Variants in DNA2 observed in about 807,000 individuals in gnomAD.
The protein encoded by DNA2 is DNA replication helicase/nuclease 2, also known as DNA replication ATP-dependent helicase/nuclease DNA2.
In DNA2, 101 loss-of-function variants were observed where a neutral mutation model predicts 119.1. The observed-to-expected ratio is 0.85, with a 90% CI of 0.72 to 1.00. DNA2 has a LOEUF of 1.00. DNA2 is among the 50% of genes least tolerant of loss of function. DNA2 has a pLI of 0.00. For synonymous variants in DNA2, 366 were observed against 424.4 expected (o/e 0.86, Z 1.69); for missense variants, 1,121 against 1,255.5 (o/e 0.89, Z 1.62).
At chr10:68,452,486 T>A (rs1248804555) in intron 5 of DNA2, among the ~76,000 whole-genome samples, 2 of 152,180 alleles carry the variant, frequency 1.3e-5, no homozygotes, top group African/African-American at 4.8e-5. Flanking sequence ...ATGTCACATG[T>A]ATACCTAATA....
intron 14 of DNA2, 42 bp downstream of exon 14, chr10:68,430,394 G>A: frequency 7.2e-7 from 1 of 1,383,944 alleles, no homozygotes; most frequent in Non-Finnish European, 1.0e-6. Flanking sequence ...TTCTGGCTGT[G>A]GACATTAACT....
At chr10:68,439,600 G>A (rs1380431956) in intron 9 of DNA2, among the ~76,000 whole-genome samples, 2 of 151,904 alleles carry the variant, frequency 1.3e-5, no homozygotes, top group East Asian at 1.9e-4. Context: ...CACTTTGGGA[G>A]GCCGAAGCGT....
At chr10:68,433,656 A>G (rs980042359) in intron 10 of DNA2, among the ~76,000 whole-genome samples, 14 of 152,122 alleles carry the variant, frequency 9.2e-5, no homozygotes, top group African/African-American at 3.4e-4. Flanking sequence ...CAGCCCCCTG[A>G]GTAGGTGGGA....
At chr10:68,440,963 T>G (rs1433853198) in intron 9 of DNA2, among the ~76,000 whole-genome samples, 1 of 152,122 alleles carries the variant, frequency 6.6e-6, no homozygotes, top group East Asian at 1.9e-4. Context: ...GGAGGATCAC[T>G]TGAGCTCAGG....
upstream of DNA2, among the ~76,000 whole-genome samples, chr10:68,472,405 C>A (rs948066521): frequency 6.6e-6 from 1 of 152,062 alleles, no homozygotes; most frequent in Non-Finnish European, 1.5e-5. Context: ...TAGAAACTGT[C>A]GGATAGGAAC....
intron 9 of DNA2, among the ~76,000 whole-genome samples, 166 bp downstream of exon 9, chr10:68,442,751 G>C (rs1353425415): frequency 3.9e-5 from 6 of 152,130 alleles, no homozygotes; most frequent in African/African-American, 1.4e-4. Flanking sequence ...CACAGGAATG[G>C]TGCTCTTCTT....
intron 4 of DNA2, among the ~76,000 whole-genome samples, chr10:68,459,831 A>C (rs1217295233): frequency 1.3e-5 from 2 of 152,140 alleles, no homozygotes; most frequent in Non-Finnish European, 2.9e-5. Flanking sequence ...GTTCGAGACA[A>C]GCCTGGCCAA....
In DNA2 at chr10:68,451,214, C is replaced by T. The variant is rs529628685; in HGVS notation, c.720-967G>A. On this transcript the variant is annotated intron_variant, in intron 5 of 20. Coordinates refer to ENST00000358410, the MANE Select transcript of DNA2 (RefSeq NM_001080449.3). ...GACAATCTTCAAAGCTTCAAAGGAG[C>T]TCATGGTCACTTCCAAGTGTTCCAT... 7.2e-5 allele frequency among the ~76,000 whole-genome samples: 11 copies of T among 152,100 alleles called. No homozygotes were observed. The South Asian group carries it at 1.9e-3, about 26-fold the overall frequency.
chr10:68,449,278 A>G (rs1045993985), intron 6 of DNA2, among the ~76,000 whole-genome samples: 5 of 152,158 alleles, frequency 3.3e-5, no homozygotes, highest in African/African-American at 1.2e-4. Context: ...CCAGAGGGTT[A>G]TAATTTAGCC....
intron 1 of DNA2, among the ~76,000 whole-genome samples, chr10:68,471,487 G>T (rs2052380328): frequency 6.6e-6 from 1 of 152,200 alleles, no homozygotes; most frequent in South Asian, 2.1e-4. Flanking sequence ...GCCTACGGCG[G>T]TTGCAATTTC....
At chr10:68,454,367 A>AC (rs2052157462) in intron 5 of DNA2, among the ~76,000 whole-genome samples, 1 of 152,162 alleles carries the variant, frequency 6.6e-6, no homozygotes, top group Admixed American at 6.6e-5. Flanking sequence ...AAAAAAAAAA[A>AC]AACACATTTG....
chr10:68,435,030 T>C (rs1833142615), intron 10 of DNA2, among the ~76,000 whole-genome samples: 1 of 152,048 alleles, frequency 6.6e-6, no homozygotes, highest in Admixed American at 6.6e-5. Context: ...TTCGTGAATA[T>C]GGATATTGGT....
At chr10:68,457,832 C>T (rs1312451356) in intron 5 of DNA2, among the ~76,000 whole-genome samples, 2 of 150,638 alleles carry the variant, frequency 1.3e-5, no homozygotes, top group African/African-American at 4.9e-5. Context: ...TGACAGTCAA[C>T]ACATGACACA....
intron 8 of DNA2, among the ~76,000 whole-genome samples, chr10:68,443,907 C>T (rs543964193): frequency 1.3e-5 from 2 of 151,152 alleles, no homozygotes; most frequent in South Asian, 2.1e-4. Flanking sequence ...GCCAAGATTG[C>T]ACCACTGCAC....
chr10:68,469,921 T>G, intron 2 of DNA2, 60 bp downstream of exon 2: 44 of 1,412,448 alleles, frequency 3.1e-5, no homozygotes, highest in South Asian at 4.4e-5. Context: ...AGCCATTTGA[T>G]GAGTTTTACG....
chr10:68,453,712 C>G (rs1260006615), intron 5 of DNA2, among the ~76,000 whole-genome samples: 1 of 152,136 alleles, frequency 6.6e-6, no homozygotes, highest in Non-Finnish European at 1.5e-5. Context: ...CTACAGTATT[C>G]AGTACAGTAA....
At chr10:68,426,826 A>G (rs2133370456) in intron 14 of DNA2, among the ~76,000 whole-genome samples, 1 of 151,844 alleles carries the variant, frequency 6.6e-6, no homozygotes, top group South Asian at 2.1e-4. Context: ...GCGACAGAGC[A>G]AGACTCTGTC....
At chr10:68,465,058 A>C (rs754279436) in intron 4 of DNA2, among the ~76,000 whole-genome samples, 1 of 141,896 alleles carries the variant, frequency 7.0e-6, no homozygotes, top group African/African-American at 2.7e-5. Context: ...TTGCTTTGTC[A>C]CCCAGGCTGG....
At chr10:68,464,711 C>T (rs536504778) in intron 4 of DNA2, among the ~76,000 whole-genome samples, 1 of 151,526 alleles carries the variant, frequency 6.6e-6, no homozygotes, top group Non-Finnish European at 1.5e-5. Flanking sequence ...TGCCTGTAAT[C>T]CCAGCTACTC....
Sources: allele counts gnomAD v4.1 joint callset (sites outside exome capture counted in the v4.1 genomes callset), GRCh38; gene constraint gnomAD v4.1.1; transcripts MANE v1.5; gene names NCBI Gene and HGNC (gene_info 2026-07-23, HGNC 2026-07-21).